TBC1D7: variants seen among roughly 807,000 people sequenced by gnomAD.
TBC1D7 encodes the protein TBC1 domain family member 7, also known as TBC domain family 7.
In TBC1D7, 33 loss-of-function variants were observed where a neutral mutation model predicts 35.3. The ratio of observed to expected loss-of-function variants is 0.93; its 90% CI spans 0.71 to 1.25. The LOEUF is 1.25. TBC1D7 is among the 50% of genes most tolerant of loss of function. TBC1D7 has a pLI of 0.00. For synonymous variants in TBC1D7, 135 were observed against 129.5 expected, an observed-to-expected ratio of 1.04 and a Z score of -0.29; for missense variants, 362 against 365.3, an observed-to-expected ratio of 0.99 and a Z score of 0.07.
chr6:13,319,513 G>C (rs1202572310), intron 4 of TBC1D7: 1 of 146,348 alleles, frequency 6.8e-6, no homozygotes, highest in Non-Finnish European at 1.5e-5. Context: ...TAAAGACTAA[G>C]ACGTGGCAGC....
intron 4 of TBC1D7, among the ~76,000 whole-genome samples, chr6:13,317,798 C>A (rs3823441): frequency 0.16 from 24,335 of 152,228 alleles, 2,399 homozygotes; most frequent in East Asian, 0.42. Flanking sequence ...TCCTTCCTGG[C>A]CCTGTGATGA....
Position 13,318,408 on chromosome 6 carries a change from G to A in TBC1D7, c.382-1700C>T, listed in dbSNP as rs117670704. ...CAGACAAGCTGAGTAGCGGTGAGGC[G>A]GAACCTATACCCTGTCATCTCAATT... On this transcript the variant is annotated intron_variant, in intron 4 of 7. Coordinates refer to ENST00000379300, the MANE Select transcript of TBC1D7 (RefSeq NM_016495.6). Among the ~76,000 whole-genome samples the A allele has an allele frequency of 3.9e-5, 6 of 152,140 alleles. No individual in the cohort carries two copies. The East Asian group carries it at 5.8e-4, about 15-fold the overall frequency.
At chr6:13,318,172 T>A (rs1454640472) in intron 4 of TBC1D7, 1 of 152,356 alleles carries the variant, frequency 6.6e-6, no homozygotes, top group Non-Finnish European at 1.5e-5. Context: ...ATGTAGCCCC[T>A]GAATCCTGGA....
chr6:13,325,192 C>G lies in TBC1D7; in HGVS notation c.113-18G>C. The G allele has an allele frequency of 6.3e-7, 1 of 1,576,756 alleles. No individual in the cohort carries two copies. The highest frequency in any genetic ancestry group is 8.7e-7 in the Non-Finnish European group (1 of 1,149,164). ...CTCAGTATCTAGAGGAAGAAGAAAA[C>G]AATTGTTAGAAGCTTTTCATGCTGA... On this transcript the variant is annotated intron_variant, in intron 2 of 7. Transcript: ENST00000379300.
intron 2 of TBC1D7, 53 bp downstream of exon 2, chr6:13,326,734 A>G: frequency 8.5e-7 from 1 of 1,176,046 alleles, no homozygotes. Context: ...TATTTACTTC[A>G]GAACATGTGG....
At chr6:13,306,341 C>A (rs537351725) in intron 7 of TBC1D7, 57 bp downstream of exon 7, 1 of 1,520,936 alleles carries the variant, frequency 6.6e-7, no homozygotes, top group African/African-American at 1.4e-5. Flanking sequence ...ACAGGAAAAT[C>A]TGACTTGCTA....
intron 4 of TBC1D7, among the ~76,000 whole-genome samples, chr6:13,317,397 A>T (rs1162146068): frequency 6.6e-6 from 1 of 152,218 alleles, no homozygotes; most frequent in East Asian, 1.9e-4. Flanking sequence ...CATATACAAA[A>T]AGCTTTACAT....
chr6:13,326,280 T>C (rs1647855440), intron 2 of TBC1D7, among the ~76,000 whole-genome samples: 1 of 152,092 alleles, frequency 6.6e-6, no homozygotes, highest in South Asian at 2.1e-4. Context: ...CTGGCCAACA[T>C]GGTGAAATCC....
intron 5 of TBC1D7, among the ~76,000 whole-genome samples, chr6:13,310,696 C>CCACACAGGACAG (rs1783147025): frequency 6.7e-6 from 1 of 149,018 alleles, no homozygotes; most frequent in Non-Finnish European, 1.5e-5. Flanking sequence ...TAGTATGAAA[C>CCACACAGGACAG]TATGACAGGG....
chr6:13,316,642 C>T lies in TBC1D7; in HGVS notation c.448G>A (p.Asp150Asn), dbSNP rs372789529. 3.8e-5 allele frequency: 61 copies of T among 1,613,838 alleles called. No individual in the cohort carries two copies. The highest frequency in any genetic ancestry group is 5.5e-5 in the South Asian group (5 of 91,068). ...AMEEMVEDSV[D>N]CYWITRRFVN... ...AAGCGTCGGGTGATCCAGTAACAGT[C>T]GACACTATCTTCCACCATTTCCTCC... The change falls in exon 5 of 8, where the codon GAC (aspartate) becomes AAC (asparagine). Residue 150 changes from aspartate to asparagine, a missense_variant. By Grantham distance (23) the Asp-to-Asn change is conservative (BLOSUM62 1). Transcript: ENST00000379300.
rs1330170475 is a variant in TBC1D7 at position 13,304,975 on chromosome 6, G to GAA, written c.*125_*126insTT. The GAA allele has an allele frequency of 2.0e-4, 148 of 724,898 alleles. 1 individual carries two copies. Among genetic ancestry groups the GAA allele is most frequent in the Middle Eastern group, 1.6e-3 (4 of 2,432 alleles). 44.9% of individuals were successfully genotyped at this position (724,898 alleles called of 1,614,324 possible). The stretch of plus-strand genomic sequence containing the variant: ...ATTTCAATTAAATAATTTTATTGGG[G>GAA]GAAAAAAACCACTTTGAGCACCAAA... On this transcript the variant is annotated 3_prime_UTR_variant, in exon 8 of 8. Coordinates refer to ENST00000379300, the MANE Select transcript of TBC1D7 (RefSeq NM_016495.6).
intron 5 of TBC1D7, among the ~76,000 whole-genome samples, chr6:13,312,311 A>T (rs1337407469): frequency 3.3e-5 from 5 of 152,182 alleles, no homozygotes. Context: ...GTAAGAGTGA[A>T]ATCCAGTATG....
At chr6:13,323,666 G>C (rs1462536254) in intron 3 of TBC1D7, 1 of 152,238 alleles carries the variant, frequency 6.6e-6, no homozygotes. Context: ...AGTGCACAGA[G>C]ACTGCCAGGA....
intron 5 of TBC1D7, among the ~76,000 whole-genome samples, chr6:13,315,015 G>A (rs978029024): frequency 3.9e-5 from 6 of 152,134 alleles, no homozygotes; most frequent in African/African-American, 1.2e-4. Context: ...ACACTCCCAT[G>A]TGCCCCTCCT....
chr6:13,323,222 G>C (rs903298138), intron 3 of TBC1D7, among the ~76,000 whole-genome samples: 4 of 152,044 alleles, frequency 2.6e-5, no homozygotes, highest in Admixed American at 6.6e-5. Flanking sequence ...GCGTGGGGGT[G>C]CGCGCCTGTA....
At chr6:13,327,125 A>G (rs1784452756) in intron 1 of TBC1D7, among the ~76,000 whole-genome samples, 1 of 152,222 alleles carries the variant, frequency 6.6e-6, no homozygotes, top group Non-Finnish European at 1.5e-5. Context: ...ATATAAGTTA[A>G]AAGTTCTCTG....
intron 5 of TBC1D7, among the ~76,000 whole-genome samples, chr6:13,309,987 GCCTA>G (rs1783079416): frequency 6.6e-6 from 1 of 152,190 alleles, no homozygotes; most frequent in African/African-American, 2.4e-5. Flanking sequence ...AAGTATCACT[GCCTA>G]CCTATCAGAA....
At chr6:13,310,847 T>C (rs1048011950) in intron 5 of TBC1D7, among the ~76,000 whole-genome samples, 3 of 152,106 alleles carry the variant, frequency 2.0e-5, no homozygotes, top group Admixed American at 6.5e-5. Context: ...TGTGTATATA[T>C]ATTTTTTAAT....
chr6:13,323,158 G>C (rs1001909090), intron 3 of TBC1D7, among the ~76,000 whole-genome samples: 1 of 152,126 alleles, frequency 6.6e-6, no homozygotes, highest in Non-Finnish European at 1.5e-5. Context: ...TTTGCGACCA[G>C]CCTGGGCAAC....
Sources: gnomAD v4.1 joint callset for allele counts (sites outside exome capture counted in the v4.1 genomes callset) on GRCh38, gnomAD v4.1.1 for gene constraint, MANE v1.5 for transcripts, NCBI Gene and HGNC (gene_info 2026-07-23, HGNC 2026-07-21) for gene names.